Variants in CDH2 observed in about 807,000 individuals in gnomAD.
CDH2 encodes the protein cadherin-2.
In CDH2, 17 loss-of-function variants were observed where a neutral mutation model predicts 92.0. The ratio of observed to expected loss-of-function variants is 0.18; its 90% CI spans 0.13 to 0.28. CDH2 has a LOEUF of 0.28. CDH2 is among the 10% of genes least tolerant of loss of function. The pLI is 1.00. For synonymous variants in CDH2, 419 were observed against 415.9 expected (o/e 1.01, Z -0.09); for missense variants, 862 against 1,133.1 (o/e 0.76, Z 3.44).
chr18:28,113,743 G>A (rs928218235), intron 2 of CDH2, among the ~76,000 whole-genome samples: 1 of 151,980 alleles, frequency 6.6e-6, no homozygotes, highest in Non-Finnish European at 1.5e-5. Context: ...AAAAAAGACA[G>A]GGAATATTCA....
intron 2 of CDH2, among the ~76,000 whole-genome samples, chr18:28,044,442 C>G (rs1372879797): frequency 4.6e-5 from 7 of 152,150 alleles, no homozygotes; most frequent in African/African-American, 1.4e-4. Context: ...ATCACACCCC[C>G]TCCCACTGAT....
At chr18:27,999,420 C>G (rs2012691235) in intron 7 of CDH2, among the ~76,000 whole-genome samples, 1 of 152,056 alleles carries the variant, frequency 6.6e-6, no homozygotes, top group Admixed American at 6.5e-5. Flanking sequence ...TTGAAGACAA[C>G]AGAAAACAGG....
intron 6 of CDH2, among the ~76,000 whole-genome samples, chr18:27,945,166 T>G (rs1909239221): frequency 6.6e-6 from 1 of 151,994 alleles, no homozygotes; most frequent in Non-Finnish European, 1.5e-5. Flanking sequence ...GTGTGAGTTC[T>G]TACTACAAAC....
chr18:27,941,540 C>T (rs759501189), intron 6 of CDH2, among the ~76,000 whole-genome samples: 14 of 152,110 alleles, frequency 9.2e-5, no homozygotes, highest in Admixed American at 3.3e-4. Context: ...TTCTGATTAA[C>T]GAAAGCAATT....
At chr18:27,988,178 T>C (rs2012295086) in intron 11 of CDH2, among the ~76,000 whole-genome samples, 1 of 152,038 alleles carries the variant, frequency 6.6e-6, no homozygotes. Flanking sequence ...GAGATGCACA[T>C]ATGAAAGGCA....
intron 14 of CDH2, among the ~76,000 whole-genome samples, chr18:27,969,689 A>G (rs2011610238): frequency 6.6e-6 from 1 of 152,232 alleles, no homozygotes; most frequent in Non-Finnish European, 1.5e-5. Context: ...TTAAAAGGAC[A>G]TATTTTAAAA....
At chr18:28,154,486 C>T (rs1175775243) in intron 1 of CDH2, among the ~76,000 whole-genome samples, 2 of 152,222 alleles carry the variant, frequency 1.3e-5, no homozygotes, top group African/African-American at 4.8e-5. Context: ...GATCGACCTC[C>T]TTGTCTAGAG....
chr18:28,071,370 G>C (rs1364263792), intron 2 of CDH2, among the ~76,000 whole-genome samples: 1 of 152,022 alleles, frequency 6.6e-6, no homozygotes, highest in Admixed American at 6.6e-5. Flanking sequence ...GTCACTCTCT[G>C]CTCCTTGGAG....
At chr18:28,173,864 A>G (rs1016112642) in intron 1 of CDH2, among the ~76,000 whole-genome samples, 1 of 152,210 alleles carries the variant, frequency 6.6e-6, no homozygotes, top group African/African-American at 2.4e-5. Context: ...AGTCACTTGT[A>G]TTATTTAAAA....
chr18:28,045,432 C>A, intron 2 of CDH2: 5 of 468,512 alleles, frequency 1.1e-5, no homozygotes, highest in Non-Finnish European at 1.8e-5. Flanking sequence ...TTACACATGT[C>A]CTTCAACAAT....
chr18:28,053,848 G>A (rs182262779), intron 2 of CDH2, among the ~76,000 whole-genome samples: 13 of 152,326 alleles, frequency 8.5e-5, no homozygotes, highest in African/African-American at 2.9e-4. Flanking sequence ...GAGGAATGCA[G>A]GAGAGGTACC....
intron 14 of CDH2, among the ~76,000 whole-genome samples, chr18:27,969,677 T>G (rs2011609910): frequency 6.6e-6 from 1 of 152,234 alleles, no homozygotes; most frequent in African/African-American, 2.4e-5. Context: ...CTCTAATGTC[T>G]TTTAAAAGGA....
At chr18:28,164,468 T>G in intron 1 of CDH2, among the ~76,000 whole-genome samples, 1 of 152,216 alleles carries the variant, frequency 6.6e-6, no homozygotes, top group East Asian at 1.9e-4. Context: ...TTCCTGCATC[T>G]AATCGTCAAT....
intron 6 of CDH2, among the ~76,000 whole-genome samples, chr18:28,005,192 C>G (rs191004958): frequency 1.3e-5 from 2 of 152,210 alleles, no homozygotes; most frequent in Non-Finnish European, 2.9e-5. Flanking sequence ...ATTTTTAATA[C>G]GAGAATCTAA....
At chr18:28,117,424 G>A (rs779765469) in intron 2 of CDH2, among the ~76,000 whole-genome samples, 10 of 152,082 alleles carry the variant, frequency 6.6e-5, no homozygotes, top group Non-Finnish European at 1.5e-4. Context: ...CTTACACCAA[G>A]CACACACCAA....
intron 2 of CDH2, among the ~76,000 whole-genome samples, chr18:28,020,429 T>A (rs964321216): frequency 6.6e-6 from 1 of 151,972 alleles, no homozygotes; most frequent in African/African-American, 2.4e-5. Context: ...TTATTTAAAT[T>A]AGCTTCAAAA....
At chr18:28,045,114 C>A (rs2014048242) in intron 2 of CDH2, among the ~76,000 whole-genome samples, 1 of 152,152 alleles carries the variant, frequency 6.6e-6, no homozygotes, top group African/African-American at 2.4e-5. Context: ...TCTACCAGTA[C>A]CTCAGCCGTT....
chr18:28,167,042 A>C (rs886158974), intron 1 of CDH2, among the ~76,000 whole-genome samples: 1 of 152,100 alleles, frequency 6.6e-6, no homozygotes, highest in Non-Finnish European at 1.5e-5. Context: ...TAAAAACAAA[A>C]AACTGGGTAA....
intron 1 of CDH2, among the ~76,000 whole-genome samples, chr18:28,148,185 A>AT (rs970741592): frequency 6.6e-6 from 1 of 152,170 alleles, no homozygotes; most frequent in African/African-American, 2.4e-5. Flanking sequence ...AAGTACACAG[A>AT]TTTTTATATT....
Sources: gnomAD v4.1 joint callset for allele counts (sites outside exome capture counted in the v4.1 genomes callset) on GRCh38, gnomAD v4.1.1 for gene constraint, MANE v1.5 for transcripts, NCBI Gene and HGNC (gene_info 2026-07-23, HGNC 2026-07-21) for gene names.